PITPNM3: variants seen among roughly 807,000 people sequenced by gnomAD.
PITPNM3 encodes membrane-associated phosphatidylinositol transfer protein 3.
In PITPNM3, 26 loss-of-function variants were observed where a neutral mutation model predicts 102.0. The ratio of observed to expected loss-of-function variants is 0.25; its 90% CI spans 0.19 to 0.35. The LOEUF is 0.35. Among genes scored for constraint, PITPNM3 ranks in the 10% least tolerant of loss-of-function variants. The pLI is 1.00. For synonymous variants in PITPNM3, 578 were observed against 558.6 expected (o/e 1.03, Z -0.49); for missense variants, 1,083 against 1,346.1 (o/e 0.80, Z 3.06).
chr17:6,468,265 C>G lies in PITPNM3; in HGVS notation c.1850G>C (p.Arg617Pro). The G allele has an allele frequency of 2.5e-6, 4 of 1,613,840 alleles. No individual in the cohort carries two copies. Among genetic ancestry groups the G allele is most frequent in the Non-Finnish European group, 2.5e-6 (3 of 1,180,030 alleles). Residue 617 changes from arginine (R) to proline (P), a missense_variant, in exon 14 of 20, where the codon CGG becomes CCG. Arg to Pro is a moderately radical substitution (Grantham distance 103, BLOSUM62 -2). Transcript: ENST00000262483. The surrounding 1 kb of genome is among the most constrained non-coding windows in gnomAD (Gnocchi z 5.2). The part of the protein sequence containing the change: ...DPAALSPANP[R>P]EKWLRKRTQV... ...AGTCCGCTTACGAAGCCACTTCTCC[C>G]GGGGGTTGGCAGGACTCAGTGCTGC...
At chr17:6,528,509 C>T (rs1279072685) in intron 2 of PITPNM3, among the ~76,000 whole-genome samples, 2 of 151,428 alleles carry the variant, frequency 1.3e-5, no homozygotes. Flanking sequence ...TGAGTGCATA[C>T]ATGCATTGTG....
At chr17:6,462,052 G>C (rs1904487873) in intron 17 of PITPNM3, among the ~76,000 whole-genome samples, 1 of 151,914 alleles carries the variant, frequency 6.6e-6, no homozygotes, top group Admixed American at 6.6e-5. Context: ...CATCTAACCT[G>C]AGCCCTGTAA....
chr17:6,474,792 A>G (rs937439327), intron 9 of PITPNM3, among the ~76,000 whole-genome samples, 188 bp from the exon 10 acceptor site: 5 of 152,244 alleles, frequency 3.3e-5, no homozygotes, highest in Non-Finnish European at 7.3e-5. Context: ...CCTGGCTGAT[A>G]TTTGGCTAGA....
rs185161975 is a variant in PITPNM3, at chr17:6,477,409, G to A, written c.901-196C>T. Among the ~76,000 whole-genome samples the A allele has an allele frequency of 1.2e-4, 18 of 152,258 alleles. No homozygotes were observed. In the South Asian group the frequency reaches 1.2e-3, roughly 11 times the overall value. ...GCACAGGCTCTCTCCCGCATCCACC[G>A]GGATTGACATTCCCACTGGGATGCT... On this transcript the variant is annotated intron_variant, in intron 8 of 19. Coordinates refer to ENST00000262483, the MANE Select transcript of PITPNM3 (RefSeq NM_031220.4).
chr17:6,522,650 G>C (rs1045063430), intron 3 of PITPNM3, among the ~76,000 whole-genome samples: 1 of 152,172 alleles, frequency 6.6e-6, no homozygotes, highest in South Asian at 2.1e-4. Flanking sequence ...GCAGGGGAGG[G>C]GGGCCTGGAA....
chr17:6,514,473 A>G (rs1379854911), intron 3 of PITPNM3, among the ~76,000 whole-genome samples: 1 of 152,250 alleles, frequency 6.6e-6, no homozygotes, highest in African/African-American at 2.4e-5. Context: ...CAAAGGAGAT[A>G]AACAAACGAT....
At chr17:6,520,720 G>A (rs943402921) in intron 3 of PITPNM3, among the ~76,000 whole-genome samples, 12 of 152,200 alleles carry the variant, frequency 7.9e-5, no homozygotes, top group Non-Finnish European at 1.3e-4. Flanking sequence ...TAGCTAAAAC[G>A]TGGAAGCAAC....
chr17:6,470,041 C>T lies in PITPNM3; in HGVS notation c.1773+219G>A, dbSNP rs778579565. 8.5e-5 allele frequency among the ~76,000 whole-genome samples: 13 copies of T among 152,224 alleles called. No homozygotes were observed. The highest frequency in any genetic ancestry group is 1.5e-4 in the Non-Finnish European group (10 of 68,042). On this transcript the variant is annotated intron_variant, in intron 13 of 19. Coordinates refer to ENST00000262483, the MANE Select transcript of PITPNM3 (RefSeq NM_031220.4). The surrounding 1 kb of genome is among the most constrained non-coding windows in gnomAD (Gnocchi z 4.8). Reference sequence around the variant, plus strand: ...TTTATATTTAATTTTCTAGAGTGTACCATGCCGTCAGCCACCCAGGAGCCA... The same window carrying T: ...TTTATATTTAATTTTCTAGAGTGTATCATGCCGTCAGCCACCCAGGAGCCA...
chr17:6,491,836 T>TATATATAA (rs148932496), intron 4 of PITPNM3, among the ~76,000 whole-genome samples: 18,421 of 139,054 alleles, frequency 0.13, 1,682 homozygotes, highest in African/African-American at 0.2. Flanking sequence ...TATATATATA[T>TATATATAA]AATAAAGAAT....
intron 17 of PITPNM3, 142 bp from the exon 18 acceptor site, chr17:6,461,698 G>A (rs917804945): frequency 1.0e-6 from 1 of 959,188 alleles, no homozygotes; most frequent in Non-Finnish European, 1.6e-6. Flanking sequence ...GGGGGACCCC[G>A]AATCCCCTCT....
rs551567967 is a variant in PITPNM3, at chr17:6,494,602, T to C, written c.274+8925A>G. Among the ~76,000 whole-genome samples the C allele has an allele frequency of 2.6e-5, 4 of 152,322 alleles. No individual in the cohort carries two copies. The East Asian group carries it at 7.7e-4, about 29-fold the overall frequency. ...GAACCCTAAACTAGAGGAAGGCTCA[T>C]TGAAATTACCCTAAGACAACTTTTT... On this transcript the variant is annotated intron_variant, in intron 4 of 19. Transcript: ENST00000262483.
intron 14 of PITPNM3, among the ~76,000 whole-genome samples, chr17:6,465,976 C>G (rs944584662): frequency 9.2e-5 from 14 of 152,238 alleles, no homozygotes; most frequent in Non-Finnish European, 1.6e-4. Flanking sequence ...TAAAGCACAG[C>G]TCTACTAACA....
At position 6,535,677 on chromosome 17, in the gene PITPNM3, G is replaced by T. The variant is rs1227757331; in HGVS notation, c.118+2310C>A. On this transcript the variant is annotated intron_variant, in intron 2 of 19. Coordinates refer to ENST00000262483, the MANE Select transcript of PITPNM3 (RefSeq NM_031220.4). ...CTCACACCTGTAATCCCAGCACTTT[G>T]GGAGGCCAAGGCAGGCAGATCACTT... Among the ~76,000 whole-genome samples, 54 of 152,216 alleles carry T rather than the reference G, an allele frequency of 3.5e-4. 2 individuals carry two copies. In the East Asian group the frequency reaches 7.7e-3, roughly 22 times the overall value.
chr17:6,526,369 C>T (rs759427526), intron 2 of PITPNM3, among the ~76,000 whole-genome samples: 43 of 152,182 alleles, frequency 2.8e-4, no homozygotes, highest in Non-Finnish European at 4.9e-4. Flanking sequence ...CATACTTTGC[C>T]GAAAAACAGA....
intron 17 of PITPNM3, among the ~76,000 whole-genome samples, chr17:6,463,447 C>CAGGGAGGGAAGGGGGGAGGG (rs369203526): frequency 7.5e-6 from 1 of 133,820 alleles, no homozygotes; most frequent in Non-Finnish European, 1.6e-5. Context: ...AGGAGGGAGG[C>CAGGGAGGGAAGGGGGGAGGG]AGGGAGGGAA....
chr17:6,485,537 A>G (rs1189161156), intron 4 of PITPNM3, among the ~76,000 whole-genome samples: 3 of 152,180 alleles, frequency 2.0e-5, no homozygotes, highest in Admixed American at 6.5e-5. Context: ...CTGGATACAT[A>G]CTTAAAAAAA....
rs1010184338 is a variant in PITPNM3 at position 6,452,850 on chromosome 17, C to T, written c.*2488G>A. On this transcript the variant is annotated 3_prime_UTR_variant, in exon 20 of 20. Transcript: ENST00000262483. ...GTTTCCAAAAGGAAGGGGTGGTGGC[C>T]CTCCTGCTGGGTCCTGTGTCCCAGC... 2.6e-5 allele frequency: 4 copies of T among 152,140 alleles called. No individual in the cohort carries two copies. Among genetic ancestry groups the T allele is most frequent in the African/African-American group, 9.7e-5 (4 of 41,410 alleles). 9.4% of individuals were successfully genotyped at this position (152,140 alleles called of 1,614,324 possible).
rs1337642195 is a variant in PITPNM3 at position 6,469,942 on chromosome 17, T to C, written c.1773+318A>G. 6.6e-6 allele frequency among the ~76,000 whole-genome samples: 1 copy of C among 152,042 alleles called. No homozygotes were observed. The highest frequency in any genetic ancestry group is 2.4e-5 in the African/African-American group (1 of 41,364). On this transcript the variant is annotated intron_variant, in intron 13 of 19. Coordinates refer to ENST00000262483, the MANE Select transcript of PITPNM3 (RefSeq NM_031220.4). This position sits in a 1 kb window ranked among gnomAD's most constrained non-coding sequence, Gnocchi z 4.0. ...ACCTTCTGTTTTGCAGACGAGGACA[T>C]TGAGACTCAGTGGGGAGTGGGAACT...
At chr17:6,523,496 C>T (rs1395611539) in intron 3 of PITPNM3, among the ~76,000 whole-genome samples, 1 of 152,218 alleles carries the variant, frequency 6.6e-6, no homozygotes, top group Admixed American at 6.5e-5. Flanking sequence ...GCCCTCCCAG[C>T]TCACTCTGCC....
Sources: allele counts gnomAD v4.1 joint callset (sites outside exome capture counted in the v4.1 genomes callset), GRCh38; gene constraint gnomAD v4.1.1; non-coding constraint Gnocchi (gnomAD v3.1); transcripts MANE v1.5; gene names NCBI Gene and HGNC (gene_info 2026-07-23, HGNC 2026-07-21).